PCSK2: variants seen among roughly 807,000 people sequenced by gnomAD.
PCSK2 encodes neuroendocrine convertase 2.
A neutral mutation model predicts 69.7 loss-of-function variants in PCSK2; 14 were observed. The ratio of observed to expected loss-of-function variants is 0.20; its 90% CI spans 0.13 to 0.31. The LOEUF (loss-of-function observed/expected upper bound fraction) is 0.31. PCSK2 is among the 10% of genes least tolerant of loss of function. PCSK2 has a pLI of 1.00. For missense variants in PCSK2, 544 were observed against 842.5 expected, an observed-to-expected ratio of 0.65 and a Z score of 4.39; for synonymous variants, 307 against 320.7, an observed-to-expected ratio of 0.96 and a Z score of 0.46.
At position 17,242,498 on chromosome 20, in the gene PCSK2, T is replaced by C. The variant is rs113380418; in HGVS notation, c.177+15016T>C. Among the ~76,000 whole-genome samples the C allele has an allele frequency of 3.2e-3, 488 of 152,342 alleles. 4 individuals are homozygous for C. The highest frequency in any genetic ancestry group is 0.011 in the African/African-American group (452 of 41,576). On this transcript the variant is annotated intron_variant, in intron 1 of 11. Transcript: ENST00000262545. ...ACAAGCACACTTATAGTTCTATAGT[T>C]CTATAGTCTAGTTTATAAGAATTCA...
intron 11 of PCSK2, among the ~76,000 whole-genome samples, chr20:17,476,928 G>C (rs189231801): frequency 6.6e-6 from 1 of 152,314 alleles, no homozygotes; most frequent in Admixed American, 6.5e-5. Context: ...GGAACAGAAA[G>C]ACCAACCCCA....
At chr20:17,349,882 G>C (rs2029924572) in intron 2 of PCSK2, among the ~76,000 whole-genome samples, 1 of 152,140 alleles carries the variant, frequency 6.6e-6, no homozygotes, top group Non-Finnish European at 1.5e-5. Context: ...TCAGTTCCCT[G>C]CTCTGGTGGT....
At chr20:17,474,455 T>C (rs2033257622) in intron 11 of PCSK2, among the ~76,000 whole-genome samples, 1 of 152,186 alleles carries the variant, frequency 6.6e-6, no homozygotes, top group African/African-American at 2.4e-5. Context: ...AATATGTCTT[T>C]CAGTCTCCCT....
chr20:17,226,632 G>T (rs1389472290), upstream of PCSK2, among the ~76,000 whole-genome samples: 2 of 151,858 alleles, frequency 1.3e-5, no homozygotes, highest in African/African-American at 4.8e-5. Context: ...CTCTGAGAGC[G>T]GCACACACCG....
At chr20:17,455,658 C>G (rs2032905831) in intron 9 of PCSK2, among the ~76,000 whole-genome samples, 1 of 152,206 alleles carries the variant, frequency 6.6e-6, no homozygotes, top group Non-Finnish European at 1.5e-5. Flanking sequence ...TTTCAAGGGC[C>G]AGTCCCAATG....
chr20:17,259,843 G>A (rs1441766456), intron 1 of PCSK2, among the ~76,000 whole-genome samples: 6 of 152,070 alleles, frequency 3.9e-5, no homozygotes, highest in Admixed American at 6.5e-5. Flanking sequence ...ACAAAACATC[G>A]CAGCATAATT....
chr20:17,454,573 A>T (rs2032884192), intron 9 of PCSK2, among the ~76,000 whole-genome samples: 1 of 152,212 alleles, frequency 6.6e-6, no homozygotes, highest in Admixed American at 6.5e-5. Context: ...TTTCTTGGCA[A>T]CTAGGTATAA....
intron 1 of PCSK2, among the ~76,000 whole-genome samples, chr20:17,238,549 CTTG>C (rs1568565323): frequency 6.6e-6 from 1 of 152,084 alleles, no homozygotes; most frequent in African/African-American, 2.4e-5. Context: ...GCATTTGAGC[CTTG>C]TTGCTCATTG....
intron 1 of PCSK2, among the ~76,000 whole-genome samples, chr20:17,259,911 A>G (rs1987312636): frequency 6.6e-6 from 1 of 152,192 alleles, no homozygotes; most frequent in African/African-American, 2.4e-5. Context: ...GGCAAGGAGA[A>G]TCTGATGCAG....
rs1176369260 is a variant in PCSK2, at chr20:17,304,843, C to T, written c.282+44499C>T. 2.0e-5 allele frequency among the ~76,000 whole-genome samples: 3 copies of T among 152,166 alleles called. No homozygotes were observed. The East Asian group carries it at 5.8e-4, about 29-fold the overall frequency. Reference sequence around the variant, plus strand: ...AAGCCATAGTAGGGAGAGAATTTTTCAGTACCCAGAAGCTGCGACAAGAAT... The same window carrying T: ...AAGCCATAGTAGGGAGAGAATTTTTTAGTACCCAGAAGCTGCGACAAGAAT... On this transcript the variant is annotated intron_variant, in intron 2 of 11. Coordinates refer to ENST00000262545, the MANE Select transcript of PCSK2 (RefSeq NM_002594.5).
chr20:17,460,071 T>C (rs542622319), intron 10 of PCSK2, among the ~76,000 whole-genome samples: 4 of 152,312 alleles, frequency 2.6e-5, no homozygotes, highest in Admixed American at 2.0e-4. Context: ...CGGGGTACCA[T>C]TGTGAATCAG....
chr20:17,350,311 A>G (rs975704791), intron 2 of PCSK2, among the ~76,000 whole-genome samples: 1 of 151,484 alleles, frequency 6.6e-6, no homozygotes, highest in African/African-American at 2.4e-5. Context: ...ATTTTACACA[A>G]TCAAGGACAT....
chr20:17,236,647 C>T (rs1986350118), intron 1 of PCSK2, among the ~76,000 whole-genome samples: 1 of 151,914 alleles, frequency 6.6e-6, no homozygotes, highest in Non-Finnish European at 1.5e-5. Context: ...CTAATGTTAC[C>T]ACAAGTCCTT....
At chr20:17,469,027 T>C (rs1443711533) in intron 11 of PCSK2, among the ~76,000 whole-genome samples, 2 of 152,238 alleles carry the variant, frequency 1.3e-5, no homozygotes, top group African/African-American at 2.4e-5. Flanking sequence ...AGCCCTATAA[T>C]AATCTAAAAA....
At chr20:17,442,167 A>C (rs1198341370) in intron 8 of PCSK2, among the ~76,000 whole-genome samples, 2 of 151,746 alleles carry the variant, frequency 1.3e-5, no homozygotes, top group Non-Finnish European at 2.9e-5. Context: ...CTGGGAAAGG[A>C]ATGGGATAGA....
At chr20:17,241,241 C>A (rs1986559700) in intron 1 of PCSK2, among the ~76,000 whole-genome samples, 1 of 152,158 alleles carries the variant, frequency 6.6e-6, no homozygotes, top group Non-Finnish European at 1.5e-5. Context: ...ATAAAGAAAA[C>A]CACAGGATGT....
chr20:17,390,347 C>A (rs1297411787), intron 5 of PCSK2, among the ~76,000 whole-genome samples: 1 of 152,232 alleles, frequency 6.6e-6, no homozygotes, highest in Non-Finnish European at 1.5e-5. Context: ...CTCAGATTTA[C>A]ATACTGCTAA....
At chr20:17,328,611 G>A (rs776803264) in intron 2 of PCSK2, among the ~76,000 whole-genome samples, 3 of 152,066 alleles carry the variant, frequency 2.0e-5, no homozygotes, top group Non-Finnish European at 2.9e-5. Flanking sequence ...TGGTGAGAAA[G>A]GGTGCTATGT....
chr20:17,273,276 C>T (rs1163536204), intron 2 of PCSK2, among the ~76,000 whole-genome samples: 2 of 152,110 alleles, frequency 1.3e-5, no homozygotes, highest in African/African-American at 2.4e-5. Flanking sequence ...TATTCTAACA[C>T]TTATTCATGT....
Sources: allele counts gnomAD v4.1 joint callset (sites outside exome capture counted in the v4.1 genomes callset), GRCh38; gene constraint gnomAD v4.1.1; transcripts MANE v1.5; gene names NCBI Gene and HGNC (gene_info 2026-07-23, HGNC 2026-07-21).